The following LYRM4 variants were observed in gnomAD, a reference collection of about 807,000 sequenced individuals.
LYRM4 encodes LYR motif-containing protein 4.
Under a neutral mutation model 11.7 loss-of-function variants are expected in LYRM4, and 9 were observed. That is an observed-to-expected ratio of 0.77 (90% CI 0.46 to 1.34). The LOEUF is 1.34. Ranked by LOEUF, LYRM4 falls within the 40% of genes most tolerant of loss-of-function variation. The pLI is 0.00. For synonymous variants in LYRM4, 42 were observed against 40.4 expected (o/e 1.04, Z -0.15); for missense variants, 133 against 112.5 (o/e 1.18, Z -0.82).
chr6:5,163,011 A>C (rs1758859901), intron 2 of LYRM4, among the ~76,000 whole-genome samples: 3 of 152,070 alleles, frequency 2.0e-5, no homozygotes. Flanking sequence ...AATTTTTCAT[A>C]TGTTTTCTTC....
In LYRM4 at chr6:5,177,032, T is replaced by C. The variant is rs533647128; in HGVS notation, c.207+39586A>G. Among the ~76,000 whole-genome samples, 3 of 152,350 alleles carry C rather than the reference T, an allele frequency of 2.0e-5. No homozygotes were observed. The South Asian group carries it at 6.2e-4, about 32-fold the overall frequency. On this transcript the variant is annotated intron_variant, in intron 2 of 2. Transcript: ENST00000330636. ...GAAAATATCTCAATAGATCCCCTAC[T>C]GTGTAAATGTCATACATGTGCACAA...
intron 2 of LYRM4, among the ~76,000 whole-genome samples, chr6:5,156,888 C>G (rs1406284843): frequency 6.6e-6 from 1 of 151,912 alleles, no homozygotes; most frequent in African/African-American, 2.4e-5. Flanking sequence ...CAAATCACAA[C>G]AGACATGATG....
chr6:5,124,157 G>A (rs1217553901), intron 2 of LYRM4, among the ~76,000 whole-genome samples: 2 of 152,158 alleles, frequency 1.3e-5, no homozygotes, highest in African/African-American at 4.8e-5. Flanking sequence ...CAGCCCTAGT[G>A]TGGTCCCTGA....
intron 1 of LYRM4, among the ~76,000 whole-genome samples, chr6:5,221,158 T>C (rs1481865017): frequency 6.6e-6 from 1 of 152,158 alleles, no homozygotes; most frequent in Non-Finnish European, 1.5e-5. Flanking sequence ...CTTTGTGGGC[T>C]CATCTCATTC....
At chr6:5,192,495 C>T (rs535793351) in intron 2 of LYRM4, among the ~76,000 whole-genome samples, 36 of 152,248 alleles carry the variant, frequency 2.4e-4, no homozygotes, top group African/African-American at 4.3e-4. Context: ...TTTAATTTAA[C>T]GAAAACTGTT....
chr6:5,185,241 G>A (rs995941759), intron 2 of LYRM4, among the ~76,000 whole-genome samples: 1 of 152,208 alleles, frequency 6.6e-6, no homozygotes, highest in African/African-American at 2.4e-5. Flanking sequence ...GAAGATACTT[G>A]TCCTTCATTG....
At chr6:5,158,536 G>A (rs1482305500) in intron 2 of LYRM4, among the ~76,000 whole-genome samples, 1 of 150,168 alleles carries the variant, frequency 6.7e-6, no homozygotes, top group Non-Finnish European at 1.5e-5. Flanking sequence ...GAGTGCAGTG[G>A]TGCAATAATA....
chr6:5,106,734 G>GCCC (rs1762675109), downstream of LYRM4: 1 of 152,234 alleles, frequency 6.6e-6, no homozygotes, highest in African/African-American at 2.4e-5. Flanking sequence ...CTCGGCCAAT[G>GCCC]AGTTCTGCCT....
At position 5,260,849 on chromosome 6, in the gene LYRM4, C is replaced by T; in HGVS notation, c.-116G>A. The T allele has an allele frequency of 6.7e-7, 1 of 1,498,336 alleles. No individual in the cohort carries two copies. The highest frequency in any genetic ancestry group is 2.5e-5 in the East Asian group (1 of 40,320). The allele number at this position is 1,498,336 out of a possible 1,614,324, so 92.8% of individuals were successfully genotyped here. On this transcript the variant is annotated 5_prime_UTR_variant, in exon 1 of 3. Coordinates refer to ENST00000330636, the MANE Select transcript of LYRM4 (RefSeq NM_020408.6). ...AACGAAATAAAATGCTGCGGCTCGG[C>T]TTTGCCAGCGGGCCGGGCCTAAGCC...
the LYRM4 span, chr6:5,034,520 C>T: frequency 6.6e-6 from 1 of 152,186 alleles, no homozygotes; most frequent in Non-Finnish European, 1.5e-5. Context: ...TTCTGAGTTC[C>T]CATGAGAACT....
intron 2 of LYRM4, among the ~76,000 whole-genome samples, chr6:5,146,490 C>T (rs1757731622): frequency 2.0e-5 from 3 of 152,142 alleles, no homozygotes; most frequent in Admixed American, 6.5e-5. Context: ...ATTTATACCC[C>T]CAGGCAGGAC....
At chr6:5,072,306 T>A in the LYRM4 span, among the ~76,000 whole-genome samples, 1 of 152,326 alleles carries the variant, frequency 6.6e-6, no homozygotes, top group Admixed American at 6.5e-5. Context: ...TGTGTCTTTA[T>A]AATAGAATGA....
chr6:5,050,836 A>G, the LYRM4 span, among the ~76,000 whole-genome samples: 4 of 152,262 alleles, frequency 2.6e-5, no homozygotes, highest in Non-Finnish European at 4.4e-5. Flanking sequence ...TTAAAAATCA[A>G]TGGAAACCAT....
intron 1 of LYRM4, among the ~76,000 whole-genome samples, chr6:5,234,101 T>C (rs539247458): frequency 6.6e-6 from 1 of 152,366 alleles, no homozygotes; most frequent in South Asian, 2.1e-4. Flanking sequence ...GTCTATACAA[T>C]GTATTTTCTA....
chr6:5,162,863 T>C (rs1211775263), intron 2 of LYRM4, among the ~76,000 whole-genome samples: 2 of 152,222 alleles, frequency 1.3e-5, no homozygotes, highest in African/African-American at 4.8e-5. Context: ...CAATAAAAGA[T>C]GGAATCCTTG....
intron 2 of LYRM4, among the ~76,000 whole-genome samples, chr6:5,205,373 G>C (rs1761636225): frequency 6.6e-6 from 1 of 151,962 alleles, no homozygotes; most frequent in Admixed American, 6.5e-5. Flanking sequence ...TCTGGCTGGA[G>C]AGAGACTCAT....
intron 1 of LYRM4, among the ~76,000 whole-genome samples, chr6:5,259,101 C>G (rs1288330663): frequency 6.6e-6 from 1 of 152,180 alleles, no homozygotes; most frequent in African/African-American, 2.4e-5. Context: ...TCTTCGAGGG[C>G]TCCACCTTGA....
the LYRM4 span, chr6:5,066,853 G>T: frequency 2.4e-6 from 2 of 845,792 alleles, no homozygotes; most frequent in East Asian, 2.5e-5. Context: ...GAGTCAGACA[G>T]GCCACGGCGG....
At chr6:5,099,732 C>T (rs572967890), downstream of LYRM4, among the ~76,000 whole-genome samples, 46 of 152,172 alleles carry the variant, frequency 3.0e-4, no homozygotes, top group Non-Finnish European at 5.3e-4. The surrounding 1 kb of genome is among the most constrained non-coding windows in gnomAD (Gnocchi z 4.3). Flanking sequence ...TGTGAGTCAC[C>T]GCACCTGGCA....
Sources: allele counts gnomAD v4.1 joint callset (sites outside exome capture counted in the v4.1 genomes callset), GRCh38; gene constraint gnomAD v4.1.1; non-coding constraint Gnocchi (gnomAD v3.1); transcripts MANE v1.5; gene names NCBI Gene and HGNC (gene_info 2026-07-23, HGNC 2026-07-21).